RBM20: variants seen among roughly 807,000 people sequenced by gnomAD.
RBM20 encodes RNA-binding protein 20.
Under a neutral mutation model 110.1 loss-of-function variants are expected in RBM20, and 51 were observed. The observed-to-expected ratio is 0.46, with a 90% CI of 0.37 to 0.59. The LOEUF (loss-of-function observed/expected upper bound fraction) is 0.59. Ranked by LOEUF, RBM20 falls within the 20% of genes least tolerant of loss-of-function variation. RBM20 has a pLI of 0.00. For synonymous variants in RBM20, 589 were observed against 618.2 expected (o/e 0.95, Z 0.70); for missense variants, 1,512 against 1,574.9 (o/e 0.96, Z 0.68).
chr10:110,794,133 A>G (rs1026722889), intron 5 of RBM20, among the ~76,000 whole-genome samples: 6 of 152,108 alleles, frequency 3.9e-5, no homozygotes, highest in African/African-American at 1.4e-4. Flanking sequence ...CTCATGATTC[A>G]GATCTCCCAC....
At chr10:110,703,250 C>T (rs1318397144) in intron 1 of RBM20, among the ~76,000 whole-genome samples, 1 of 151,516 alleles carries the variant, frequency 6.6e-6, no homozygotes, top group Non-Finnish European at 1.5e-5. Context: ...TGGTGGCAGG[C>T]ACCTGTAATT....
rs943886446 is a variant in RBM20, at chr10:110,810,791, ATGCG to A, written c.1880+332_1880+335del. Among the ~76,000 whole-genome samples the A allele has an allele frequency of 1.0e-4, 15 of 149,818 alleles. 1 individual carries two copies. The South Asian group carries it at 2.3e-3, about 23-fold the overall frequency. ...ACCCTATTAAAACAGCCTAAAAGTA[ATGCG>A]TGTGTGTGTGTGTGTGTGTGCGTGT... On this transcript the variant is annotated intron_variant, in intron 8 of 13. Transcript: ENST00000369519.
intron 1 of RBM20, among the ~76,000 whole-genome samples, chr10:110,750,554 A>G (rs1261620166): frequency 6.6e-6 from 1 of 152,154 alleles, no homozygotes; most frequent in East Asian, 1.9e-4. Context: ...AGCATGGGGA[A>G]ATTGTTTTCA....
chr10:110,833,962 T>A, intron 13 of RBM20, among the ~76,000 whole-genome samples: 1 of 152,280 alleles, frequency 6.6e-6, no homozygotes, highest in East Asian at 1.9e-4. Context: ...AGGCAACTTT[T>A]AAACTTAACA....
intron 5 of RBM20, among the ~76,000 whole-genome samples, chr10:110,790,623 G>C (rs900179081): frequency 6.6e-6 from 1 of 152,062 alleles, no homozygotes; most frequent in Admixed American, 6.6e-5. Flanking sequence ...AATTTTTTGG[G>C]CACAAACCAG....
intron 7 of RBM20, among the ~76,000 whole-genome samples, chr10:110,809,271 G>GA (rs927769668): frequency 7.8e-6 from 1 of 128,072 alleles, no homozygotes; most frequent in Non-Finnish European, 1.7e-5. Context: ...AAAAATCAAG[G>GA]AAAAAAAGTC....
intron 1 of RBM20, among the ~76,000 whole-genome samples, chr10:110,771,917 G>C (rs1313374736): frequency 6.6e-6 from 1 of 152,114 alleles, no homozygotes. Context: ...CAAATGCTTT[G>C]CATAGCAGTT....
intron 7 of RBM20, among the ~76,000 whole-genome samples, chr10:110,806,205 T>C (rs1844692532): frequency 6.6e-6 from 1 of 151,516 alleles, no homozygotes; most frequent in South Asian, 2.1e-4. Context: ...AAGGCAGAGG[T>C]TGCAGTGAGC....
intron 1 of RBM20, among the ~76,000 whole-genome samples, chr10:110,673,254 C>G (rs942552545): frequency 1.3e-5 from 2 of 151,864 alleles, no homozygotes; most frequent in Admixed American, 6.6e-5. Flanking sequence ...TTCTGTTGCC[C>G]AGGCTGGAGT....
chr10:110,774,912 T>C (rs958422717), intron 1 of RBM20, among the ~76,000 whole-genome samples: 2 of 152,172 alleles, frequency 1.3e-5, no homozygotes, highest in African/African-American at 4.8e-5. Flanking sequence ...GAGTTGAGAA[T>C]TTTTGATCTA....
intron 7 of RBM20, among the ~76,000 whole-genome samples, chr10:110,806,010 C>T (rs111820604): frequency 7.9e-5 from 12 of 152,300 alleles, no homozygotes; most frequent in African/African-American, 2.9e-4. Context: ...TGGTGGCTCA[C>T]GCCTGTAATC....
chr10:110,778,289 G>C (rs888679120), intron 1 of RBM20, among the ~76,000 whole-genome samples: 1 of 152,192 alleles, frequency 6.6e-6, no homozygotes, highest in Non-Finnish European at 1.5e-5. Context: ...CAACTTATAG[G>C]CAATTTTTGA....
At chr10:110,780,298 C>T (rs1342823984) in intron 1 of RBM20, among the ~76,000 whole-genome samples, 1 of 152,142 alleles carries the variant, frequency 6.6e-6, no homozygotes, top group Non-Finnish European at 1.5e-5. Flanking sequence ...ACTTTGGACT[C>T]TTAAATAGTA....
At chr10:110,724,804 G>A (rs1228354493) in intron 1 of RBM20, among the ~76,000 whole-genome samples, 1 of 152,110 alleles carries the variant, frequency 6.6e-6, no homozygotes, top group Non-Finnish European at 1.5e-5. Flanking sequence ...TGCTTTATCC[G>A]GCACCTACTG....
At chr10:110,735,296 C>G (rs1231049555) in intron 1 of RBM20, among the ~76,000 whole-genome samples, 1 of 152,082 alleles carries the variant, frequency 6.6e-6, no homozygotes, top group East Asian at 1.9e-4. Context: ...TGGAACATAT[C>G]CCCCCATTGC....
intron 11 of RBM20, among the ~76,000 whole-genome samples, 170 bp from the exon 12 acceptor site, chr10:110,823,310 G>C (rs1844938201): frequency 6.6e-6 from 1 of 152,090 alleles, no homozygotes; most frequent in African/African-American, 2.4e-5. Flanking sequence ...TAATGACAGT[G>C]CTTTGGTTCT....
chr10:110,794,581 C>T (rs564736183), intron 5 of RBM20, among the ~76,000 whole-genome samples: 13 of 152,290 alleles, frequency 8.5e-5, no homozygotes, highest in Admixed American at 7.8e-4. Context: ...CTCCTATAAC[C>T]ATTTGCAGTT....
chr10:110,673,654 T>A (rs1451566981), intron 1 of RBM20, among the ~76,000 whole-genome samples: 3 of 152,364 alleles, frequency 2.0e-5, no homozygotes, highest in Admixed American at 2.0e-4. Context: ...CGAGGAGAGC[T>A]TAGAAGGTAC....
chr10:110,680,482 C>A (rs1862407091), intron 1 of RBM20, among the ~76,000 whole-genome samples: 1 of 152,180 alleles, frequency 6.6e-6, no homozygotes, highest in Non-Finnish European at 1.5e-5. Flanking sequence ...GTGGTAGGAG[C>A]CTCCTTCTCC....
Sources: gnomAD v4.1 joint callset for allele counts (sites outside exome capture counted in the v4.1 genomes callset) on GRCh38, gnomAD v4.1.1 for gene constraint, MANE v1.5 for transcripts, NCBI Gene and HGNC (gene_info 2026-07-23, HGNC 2026-07-21) for gene names.